The following ATPAF1 variants were observed in gnomAD, a reference collection of about 807,000 sequenced individuals.
The protein encoded by ATPAF1 is ATP synthase mitochondrial F1 complex assembly factor 1.
In ATPAF1, 26 loss-of-function variants were observed where a neutral mutation model predicts 43.9. The observed-to-expected ratio is 0.59, with a 90% CI of 0.43 to 0.82. The LOEUF is 0.82. Ranked by LOEUF, ATPAF1 falls within the 40% of genes least tolerant of loss-of-function variation. The pLI, the probability that ATPAF1 is intolerant of heterozygous loss-of-function variation, is 0.00. For synonymous variants in ATPAF1, 157 were observed against 168.0 expected (o/e 0.93, Z 0.50); for missense variants, 366 against 435.0 (o/e 0.84, Z 1.41).
intron 4 of ATPAF1, 83 bp downstream of exon 4, chr1:46,658,044 G>A (rs1676307269): frequency 4.7e-6 from 6 of 1,284,562 alleles, no homozygotes; most frequent in Non-Finnish European, 6.7e-6. Flanking sequence ...TGGCTAGAAA[G>A]AGGTGTCAGA....
downstream of ATPAF1, chr1:46,633,698 T>C (rs1175178510): frequency 1.5e-5 from 7 of 456,006 alleles, no homozygotes; most frequent in East Asian, 2.1e-4. Flanking sequence ...TACTTGGCAG[T>C]TGGGGACTGA....
chr1:46,648,978 C>CA lies in ATPAF1; in HGVS notation c.588+3602dup, dbSNP rs950663947. Among the ~76,000 whole-genome samples the CA allele has an allele frequency of 6.2e-4, 90 of 145,462 alleles. 1 individual carries two copies. The highest frequency in any genetic ancestry group is 1.5e-3 in the African/African-American group (61 of 39,680). The stretch of plus-strand genomic sequence containing the variant: ...TGGGCAACAGTACAAGACTCTGACT[C>CA]AAAAAAAAAATGGTCTCTGCTAAAA... On this transcript the variant is annotated intron_variant, in intron 6 of 8. Coordinates refer to ENST00000574428, the Ensembl canonical transcript of ATPAF1.
intron 6 of ATPAF1, among the ~76,000 whole-genome samples, chr1:46,646,907 T>A (rs1676054059): frequency 6.6e-6 from 1 of 152,248 alleles, no homozygotes; most frequent in Middle Eastern, 3.2e-3. Context: ...TATAGGTTAG[T>A]GTGCCTTTGT....
chr1:46,642,107 A>T (rs530902961), intron 8 of ATPAF1, among the ~76,000 whole-genome samples: 1 of 152,300 alleles, frequency 6.6e-6, no homozygotes, highest in African/African-American at 2.4e-5. Context: ...TGGCAATTCC[A>T]TATTCTTGGA....
At chr1:46,639,412 C>A (rs182969478) in intron 8 of ATPAF1, among the ~76,000 whole-genome samples, 90 of 152,274 alleles carry the variant, frequency 5.9e-4, no homozygotes, top group African/African-American at 2.0e-3. Context: ...AATATTACTC[C>A]CTTTGGGCCA....
intron 6 of ATPAF1, among the ~76,000 whole-genome samples, chr1:46,651,334 AT>A (rs57792482): frequency 6.6e-6 from 1 of 151,638 alleles, no homozygotes; most frequent in Non-Finnish European, 1.5e-5. Flanking sequence ...TGAACTCATC[AT>A]TTTTTATGGC....
chr1:46,653,030 G>A lies in ATPAF1; in HGVS notation c.541-402C>T, dbSNP rs1676200682. Among the ~76,000 whole-genome samples the A allele has an allele frequency of 6.6e-6, 1 of 150,892 alleles. No individual in the cohort carries two copies. The highest frequency in any genetic ancestry group is 2.4e-5 in the African/African-American group (1 of 41,040). On this transcript the variant is annotated intron_variant, in intron 5 of 8. Transcript: ENST00000574428. The surrounding 1 kb of genome is among the most constrained non-coding windows in gnomAD (Gnocchi z 4.8). ...AGGATAAGGGTATATATATATGAGAGATTAAAAAAAAAGATAGCGATACCA... is the reference window on the plus strand; with the variant it reads ...AGGATAAGGGTATATATATATGAGAAATTAAAAAAAAAGATAGCGATACCA...
chr1:46,648,571 A>T (rs1014844691), intron 6 of ATPAF1, among the ~76,000 whole-genome samples: 1 of 152,120 alleles, frequency 6.6e-6, no homozygotes, highest in African/African-American at 2.4e-5. Context: ...AGGTCTCACT[A>T]TATTGCCCAA....
chr1:46,645,340 T>C, intron 6 of ATPAF1, 84 bp from the exon 7 acceptor site: 2 of 1,092,514 alleles, frequency 1.8e-6, no homozygotes, highest in South Asian at 1.3e-5. Flanking sequence ...ATTCATTCCA[T>C]TTCCTCCATA....
At chr1:46,649,839 T>C (rs1478435911) in intron 6 of ATPAF1, among the ~76,000 whole-genome samples, 3 of 151,978 alleles carry the variant, frequency 2.0e-5, no homozygotes, top group African/African-American at 7.3e-5. Flanking sequence ...GGTGGGGGTA[T>C]TGCTTCAGCT....
In ATPAF1 at chr1:46,642,322, A is replaced by G. The variant is rs547287721; in HGVS notation, c.792+872T>C. On this transcript the variant is annotated intron_variant, in intron 8 of 8. Coordinates refer to ENST00000574428, the Ensembl canonical transcript of ATPAF1. ...GCAGCTGGTAAGAGAAAGAGAAAAA[A>G]TAAGTGGGTGCTGTAATGAAGACTG... Among the ~76,000 whole-genome samples the G allele has an allele frequency of 5.3e-5, 8 of 152,332 alleles. No individual in the cohort carries two copies. In the South Asian group the frequency reaches 1.2e-3, roughly 24 times the overall value.
chr1:46,658,259 T>G, intron 3 of ATPAF1, 70 bp from the exon 4 acceptor site: 2 of 1,203,986 alleles, frequency 1.7e-6, no homozygotes, highest in Non-Finnish European at 2.4e-6. Flanking sequence ...ACTCTATCTC[T>G]AAGCCTGTGG....
chr1:46,642,517 G>A (rs1675967534), intron 8 of ATPAF1, among the ~76,000 whole-genome samples: 1 of 152,176 alleles, frequency 6.6e-6, no homozygotes, highest in East Asian at 1.9e-4. Context: ...TTAACTATGA[G>A]CATATGGTCA....
intron 8 of ATPAF1, among the ~76,000 whole-genome samples, chr1:46,640,635 A>AAAACAAACAAAC (rs144519905): frequency 3.2e-4 from 48 of 150,360 alleles, no homozygotes; most frequent in Admixed American, 3.2e-3. Context: ...CTCTGTCTCA[A>AAAACAAACAAAC]AAACAAACAA....
chr1:46,661,118 G>A (rs1253558065), intron 2 of ATPAF1, among the ~76,000 whole-genome samples: 1 of 150,654 alleles, frequency 6.6e-6, no homozygotes, highest in South Asian at 2.1e-4. Context: ...TGTCGCCCAC[G>A]CTGGAGTGCA....
chr1:46,661,345 G>C (rs1318990157), intron 2 of ATPAF1, among the ~76,000 whole-genome samples: 2 of 152,056 alleles, frequency 1.3e-5, no homozygotes, highest in African/African-American at 4.8e-5. Flanking sequence ...CAAAGTACTA[G>C]GATTACATGT....
chr1:46,659,937 T>C lies in ATPAF1; in HGVS notation c.376-1200A>G, dbSNP rs763431401. 7.2e-4 allele frequency among the ~76,000 whole-genome samples: 109 copies of C among 152,138 alleles called. 1 individual carries two copies. Among genetic ancestry groups the C allele is most frequent in the Admixed American group, 5.2e-4 (8 of 15,268 alleles). ...ATCCCAGTGTAGCCGTTCCTTCATA[T>C]GTAAACCATCTAAAAAGGAGTTAAT... On this transcript the variant is annotated intron_variant, in intron 2 of 8. Coordinates refer to ENST00000574428, the Ensembl canonical transcript of ATPAF1.
chr1:46,635,139 A>G (rs1019283969), exon 9 of ATPAF1: 2 of 152,658 alleles, frequency 1.3e-5, no homozygotes, highest in African/African-American at 4.8e-5. Flanking sequence ...GGGTGCCACA[A>G]ACTATGGTTT....
At chr1:46,667,924 C>T in intron 1 of ATPAF1, 133 bp downstream of exon 1, 1 of 701,144 alleles carries the variant, frequency 1.4e-6, no homozygotes. Context: ...CCTAGCCTCG[C>T]GGAGCCTGGC....
Sources: allele counts gnomAD v4.1 joint callset (sites outside exome capture counted in the v4.1 genomes callset), GRCh38; gene constraint gnomAD v4.1.1; non-coding constraint Gnocchi (gnomAD v3.1); transcripts MANE v1.5; gene names NCBI Gene and HGNC (gene_info 2026-07-23, HGNC 2026-07-21).